ENPP1: variants seen among roughly 807,000 people sequenced by gnomAD.
ENPP1 encodes ectonucleotide pyrophosphatase/phosphodiesterase family member 1.
In ENPP1, 73 loss-of-function variants were observed where a neutral mutation model predicts 122.8. The ratio of observed to expected loss-of-function variants is 0.59; its 90% CI spans 0.49 to 0.72. ENPP1 has a LOEUF of 0.72. ENPP1 is among the 30% of genes least tolerant of loss of function. ENPP1 has a pLI of 0.00. For missense variants in ENPP1, 978 were observed against 1,128.1 expected (o/e 0.87, Z 1.91); for synonymous variants, 367 against 391.6 (o/e 0.94, Z 0.74).
At position 131,850,117 on chromosome 6, in the gene ENPP1, G is replaced by T; in HGVS notation, c.430+11G>T. 6.4e-7 allele frequency: 1 copy of T among 1,557,286 alleles called. No individual in the cohort carries two copies. Among genetic ancestry groups the T allele is most frequent in the Non-Finnish European group, 8.9e-7 (1 of 1,128,200 alleles). On this transcript the variant is annotated intron_variant, in intron 3 of 24. Coordinates refer to ENST00000647893, the MANE Select transcript of ENPP1 (RefSeq NM_006208.3). ...CGTGCATAGAACCAGGTAAGGATGAGCAGGGAAAAAAGTGGAGTTATGGTC... is the reference window on the plus strand; with the variant it reads ...CGTGCATAGAACCAGGTAAGGATGATCAGGGAAAAAAGTGGAGTTATGGTC...
At chr6:131,878,141 T>TA (rs1197928345) in intron 18 of ENPP1, among the ~76,000 whole-genome samples, 3 of 151,998 alleles carry the variant, frequency 2.0e-5, no homozygotes, top group Non-Finnish European at 4.4e-5. Flanking sequence ...ACACCTGTAA[T>TA]CCCAGTACTT....
At chr6:131,822,465 T>C (rs1781494544) in intron 1 of ENPP1, among the ~76,000 whole-genome samples, 1 of 152,010 alleles carries the variant, frequency 6.6e-6, no homozygotes, top group South Asian at 2.1e-4. Flanking sequence ...CCCATTGCTA[T>C]AAAAATACTA....
chr6:131,855,012 T>C lies in ENPP1; in HGVS notation c.704T>C (p.Ile235Thr). 4 of 1,604,616 alleles carry C rather than the reference T, an allele frequency of 2.5e-6. No individual in the cohort carries two copies. The highest frequency in any genetic ancestry group is 1.1e-5 in the South Asian group (1 of 90,906). The change falls in exon 6 of 25, where the codon ATT becomes ACT. Residue 235 changes from isoleucine to threonine, a missense_variant. Ile to Thr is a moderately conservative substitution (Grantham distance 89). Transcript: ENST00000647893. ...LHTWGGLLPV[I>T]SKLKKCGTYT... ...ACTTGGGGTGGACTTCTTCCTGTTATTAGCAAACTAAGTGAGTAACTTCAG... is the reference window on the plus strand; with the variant it reads ...ACTTGGGGTGGACTTCTTCCTGTTACTAGCAAACTAAGTGAGTAACTTCAG...
intron 1 of ENPP1, among the ~76,000 whole-genome samples, chr6:131,847,009 A>G (rs528334674): frequency 2.5e-4 from 38 of 152,326 alleles, no homozygotes; most frequent in Middle Eastern, 3.4e-3. Flanking sequence ...TAAATTTTAT[A>G]GATGAATAAA....
chr6:131,875,687 G>T, intron 16 of ENPP1, 89 bp from the exon 17 acceptor site: 1 of 922,226 alleles, frequency 1.1e-6, no homozygotes, highest in Non-Finnish European at 1.8e-6. Context: ...TAACCAGTTT[G>T]TATATGTACA....
intron 4 of ENPP1, 37 bp from the exon 5 acceptor site, chr6:131,852,138 T>C: frequency 7.7e-7 from 1 of 1,305,208 alleles, no homozygotes; most frequent in Non-Finnish European, 1.1e-6. Flanking sequence ...TTATTACTGT[T>C]AAGTGTGTTC....
Position 131,823,216 on chromosome 6 carries a change from C to T in ENPP1, c.240+14941C>T, listed in dbSNP as rs150791862. The stretch of plus-strand genomic sequence containing the variant: ...TATCTATTTGTGTTTACTATTTGTC[C>T]GGCCCTATGCTAAAGACTTATCTCC... On this transcript the variant is annotated intron_variant, in intron 1 of 24. Coordinates refer to ENST00000647893, the MANE Select transcript of ENPP1 (RefSeq NM_006208.3). 9.2e-5 allele frequency among the ~76,000 whole-genome samples: 14 copies of T among 152,148 alleles called. No individual in the cohort carries two copies. In the East Asian group the frequency reaches 2.7e-3, roughly 29 times the overall value.
At chr6:131,870,516 G>A (rs1374295033) in intron 13 of ENPP1, among the ~76,000 whole-genome samples, 1 of 152,096 alleles carries the variant, frequency 6.6e-6, no homozygotes. Context: ...GATATAGTTA[G>A]TTAACTTTGA....
intron 18 of ENPP1, among the ~76,000 whole-genome samples, chr6:131,878,315 G>A (rs1279731174): frequency 6.6e-6 from 1 of 152,018 alleles, no homozygotes; most frequent in Non-Finnish European, 1.5e-5. Context: ...AGGATTGCTT[G>A]AGCCCAGTAG....
chr6:131,863,091 T>A (rs571488189), intron 9 of ENPP1, among the ~76,000 whole-genome samples: 18 of 152,320 alleles, frequency 1.2e-4, no homozygotes, highest in South Asian at 1.0e-3. Flanking sequence ...TGTCATAATT[T>A]GCTGTTACAA....
intron 1 of ENPP1, among the ~76,000 whole-genome samples, chr6:131,813,331 C>T (rs1164569954): frequency 6.6e-6 from 1 of 151,186 alleles, no homozygotes; most frequent in African/African-American, 2.4e-5. Context: ...ATGGTGAAAC[C>T]CCTTCAAAAA....
chr6:131,837,628 A>G (rs948502627), intron 1 of ENPP1, among the ~76,000 whole-genome samples: 1 of 151,678 alleles, frequency 6.6e-6, no homozygotes, highest in Non-Finnish European at 1.5e-5. Flanking sequence ...TCCTTCTATC[A>G]TTGTCATTTT....
At chr6:131,828,047 A>C (rs574601207) in intron 1 of ENPP1, 1 of 661,736 alleles carries the variant, frequency 1.5e-6, no homozygotes, top group East Asian at 3.4e-5. Context: ...CAAGAGCACC[A>C]GGTAGGGGAA....
At position 131,883,784 on chromosome 6, in the gene ENPP1, G is replaced by T. The variant is rs1316773922; in HGVS notation, c.2311+10G>T. The stretch of plus-strand genomic sequence containing the variant: ...TACCAGAGTTTTCAAGGTAAATAAT[G>T]TTAACTCTATATTTGATAATTTTAA... On this transcript the variant is annotated intron_variant, in intron 22 of 24. Coordinates refer to ENST00000647893, the MANE Select transcript of ENPP1 (RefSeq NM_006208.3). The T allele has an allele frequency of 7.6e-7, 1 of 1,309,654 alleles. No homozygotes were observed. Among genetic ancestry groups the T allele is most frequent in the Non-Finnish European group, 1.1e-6 (1 of 903,538 alleles). The allele number at this position is 1,309,654 out of a possible 1,614,324, so 81.1% of individuals were successfully genotyped here. A position where few individuals can be genotyped will look rare whatever the true frequency, so the allele number is the denominator to read the frequency against.
intron 20 of ENPP1, among the ~76,000 whole-genome samples, chr6:131,880,738 C>T (rs1398046560): frequency 6.6e-6 from 1 of 151,894 alleles, no homozygotes; most frequent in African/African-American, 2.4e-5. Flanking sequence ...CTCAGCTGTC[C>T]AAATCTAAGG....
At chr6:131,874,715 C>T (rs1167082585) in intron 16 of ENPP1, among the ~76,000 whole-genome samples, 1 of 151,982 alleles carries the variant, frequency 6.6e-6, no homozygotes, top group Non-Finnish European at 1.5e-5. Flanking sequence ...AAAAAATAAT[C>T]AGTTTATCAA....
chr6:131,882,528 GT>G, intron 21 of ENPP1, 54 bp downstream of exon 21: 2 of 1,381,510 alleles, frequency 1.4e-6, no homozygotes, highest in Non-Finnish European at 2.0e-6. Context: ...TTTCTTTCTT[GT>G]TTATAAATCC....
chr6:131,831,563 A>G (rs1562513649), intron 1 of ENPP1, among the ~76,000 whole-genome samples: 1 of 152,114 alleles, frequency 6.6e-6, no homozygotes, highest in African/African-American at 2.4e-5. Context: ...CTTGTTTTTG[A>G]TGACCTTGAC....
Position 131,869,488 on chromosome 6 carries a change from A to G in ENPP1, c.1404A>G (p.Ser468=), listed in dbSNP as rs1394860011. The part of the protein sequence containing the change: ...RPSDVPDKYY[S]FNYEGIARNL... The stretch of plus-strand genomic sequence containing the variant: ...CTGATGTCCCAGATAAATACTATTC[A>G]TGTAAGTATATCTCTGTGATAACTT... Residue 468 remains serine, a splice_region_variant and synonymous_variant, in exon 13 of 25, where the codon TCA becomes TCG. Transcript: ENST00000647893. The G allele has an allele frequency of 1.2e-6, 2 of 1,613,002 alleles. No individual in the cohort carries two copies. Among genetic ancestry groups the G allele is most frequent in the African/African-American group, 1.3e-5 (1 of 74,892 alleles).
Sources: allele counts gnomAD v4.1 joint callset (sites outside exome capture counted in the v4.1 genomes callset), GRCh38; gene constraint gnomAD v4.1.1; transcripts MANE v1.5; gene names NCBI Gene and HGNC (gene_info 2026-07-23, HGNC 2026-07-21).